FAT3: variants seen among roughly 807,000 people sequenced by gnomAD.
FAT3 encodes the protein protocadherin Fat 3.
In FAT3, 95 loss-of-function variants were observed where a neutral mutation model predicts 310.2. The ratio of observed to expected loss-of-function variants is 0.31; its 90% CI spans 0.26 to 0.36. FAT3 has a LOEUF of 0.36. FAT3 is among the 10% of genes least tolerant of loss of function. The pLI is 1.00. For synonymous variants in FAT3, 2,314 were observed against 2,192.9 expected (o/e 1.06, Z -1.54); for missense variants, 5,408 against 5,715.6 (o/e 0.95, Z 1.74).
intron 4 of FAT3, among the ~76,000 whole-genome samples, chr11:92,741,146 A>G (rs1170360770): frequency 6.6e-6 from 1 of 152,172 alleles, no homozygotes; most frequent in Non-Finnish European, 1.5e-5. Context: ...TGCTCAAGCA[A>G]TCCTTCCACC....
At chr11:92,596,728 C>T (rs1939726721) in intron 3 of FAT3, among the ~76,000 whole-genome samples, 1 of 152,174 alleles carries the variant, frequency 6.6e-6, no homozygotes, top group Admixed American at 6.5e-5. Flanking sequence ...TCAATTTTGG[C>T]AGACACCGTC....
At chr11:92,778,751 G>A (rs922988316) in intron 7 of FAT3, among the ~76,000 whole-genome samples, 3 of 151,890 alleles carry the variant, frequency 2.0e-5, no homozygotes, top group South Asian at 2.1e-4. Flanking sequence ...TGCAGCCCCC[G>A]ACACTCCCTG....
intron 3 of FAT3, among the ~76,000 whole-genome samples, chr11:92,584,926 C>T (rs1288650593): frequency 6.6e-6 from 1 of 151,864 alleles, no homozygotes; most frequent in African/African-American, 2.4e-5. Flanking sequence ...TTTGAATAGC[C>T]TGTGGAATTT....
chr11:92,676,903 C>G (rs1035514895), intron 3 of FAT3, among the ~76,000 whole-genome samples: 8 of 152,150 alleles, frequency 5.3e-5, no homozygotes, highest in Non-Finnish European at 1.2e-4. Flanking sequence ...AGTACAGGCA[C>G]AGTGCAAAGG....
At chr11:92,335,785 G>A (rs1948055980) in intron 1 of FAT3, among the ~76,000 whole-genome samples, 1 of 151,910 alleles carries the variant, frequency 6.6e-6, no homozygotes, top group African/African-American at 2.4e-5. Context: ...TGTTATAAAA[G>A]GAAATTGAAA....
At chr11:92,681,990 A>G (rs894525183) in intron 3 of FAT3, among the ~76,000 whole-genome samples, 6 of 152,254 alleles carry the variant, frequency 3.9e-5, no homozygotes, top group African/African-American at 1.4e-4. Flanking sequence ...GCACTTTCAC[A>G]TATTGTGGTT....
chr11:92,552,944 G>A (rs4114868), intron 3 of FAT3, among the ~76,000 whole-genome samples: 22,083 of 133,620 alleles, frequency 0.17, 1,879 homozygotes, highest in East Asian at 0.33. Flanking sequence ...AGTGAGACAC[G>A]TTCAAACAAA....
At chr11:92,513,087 A>G (rs1953361376) in intron 2 of FAT3, among the ~76,000 whole-genome samples, 1 of 40,478 alleles carries the variant, frequency 2.5e-5, no homozygotes. Flanking sequence ...GCGCCACTGC[A>G]CTCCAGCCTG....
intron 4 of FAT3, among the ~76,000 whole-genome samples, chr11:92,711,293 C>T (rs912999296): frequency 1.3e-5 from 2 of 152,010 alleles, no homozygotes; most frequent in Non-Finnish European, 2.9e-5. Flanking sequence ...AATATATTTA[C>T]ATTCAATATG....
chr11:92,358,364 A>G (rs1342882693), intron 2 of FAT3, among the ~76,000 whole-genome samples: 1 of 152,098 alleles, frequency 6.6e-6, no homozygotes, highest in African/African-American at 2.4e-5. Context: ...CTGTATCTTG[A>G]ACCCACATCT....
chr11:92,865,974 G>A (rs971259691), intron 21 of FAT3, among the ~76,000 whole-genome samples: 16 of 152,190 alleles, frequency 1.1e-4, no homozygotes, highest in African/African-American at 3.4e-4. Context: ...TGTCACAAAC[G>A]ATCCAGATAT....
chr11:92,433,661 C>T (rs945167361), intron 2 of FAT3, among the ~76,000 whole-genome samples: 1 of 152,088 alleles, frequency 6.6e-6, no homozygotes, highest in African/African-American at 2.4e-5. Context: ...AGCTGCAGAC[C>T]AGAGCTGTTC....
At chr11:92,587,643 T>G (rs148772497) in intron 3 of FAT3, among the ~76,000 whole-genome samples, 1 of 151,986 alleles carries the variant, frequency 6.6e-6, no homozygotes. Context: ...ATGAGTTTAT[T>G]GAATTCAGGC....
chr11:92,711,412 A>G (rs150267796), intron 4 of FAT3, among the ~76,000 whole-genome samples: 154 of 152,310 alleles, frequency 1.0e-3, no homozygotes, highest in African/African-American at 3.5e-3. Context: ...TTGCATGAAT[A>G]TAGCCCAGCC....
intron 1 of FAT3, among the ~76,000 whole-genome samples, chr11:92,310,353 A>G (rs1365561727): frequency 6.6e-6 from 1 of 152,196 alleles, no homozygotes; most frequent in Non-Finnish European, 1.5e-5. Flanking sequence ...GTGTGGGAAT[A>G]CACATGTTGA....
At chr11:92,280,381 G>T (rs1946390504) in intron 1 of FAT3, among the ~76,000 whole-genome samples, 1 of 152,166 alleles carries the variant, frequency 6.6e-6, no homozygotes, top group Admixed American at 6.5e-5. Flanking sequence ...AATTGAAAAG[G>T]TGTACTTTGA....
At chr11:92,806,311 T>C in intron 11 of FAT3, 51 bp from the exon 12 acceptor site, 1 of 1,476,216 alleles carries the variant, frequency 6.8e-7, no homozygotes, top group Non-Finnish European at 9.2e-7. Context: ...AATATGGCAA[T>C]TGCCCCCACA....
intron 3 of FAT3, among the ~76,000 whole-genome samples, chr11:92,661,660 C>T (rs1177206353): frequency 6.6e-6 from 1 of 151,794 alleles, no homozygotes; most frequent in African/African-American, 2.4e-5. Flanking sequence ...CCGTTTCTAC[C>T]GATCTGTTTG....
At chr11:92,400,867 C>T (rs765305285) in intron 2 of FAT3, among the ~76,000 whole-genome samples, 9 of 151,986 alleles carry the variant, frequency 5.9e-5, no homozygotes, top group South Asian at 2.1e-4. Context: ...TACAGATACT[C>T]ACTAAGAGAA....
Sources: allele counts gnomAD v4.1 joint callset (sites outside exome capture counted in the v4.1 genomes callset), GRCh38; gene constraint gnomAD v4.1.1; transcripts MANE v1.5; gene names NCBI Gene and HGNC (gene_info 2026-07-23, HGNC 2026-07-21).